DGKB: variants seen among roughly 807,000 people sequenced by gnomAD.
The protein encoded by DGKB is 90 kDa diacylglycerol kinase.
A neutral mutation model predicts 114.3 loss-of-function variants in DGKB; 67 were observed. That is an observed-to-expected ratio of 0.59 (90% CI 0.48 to 0.72). The LOEUF is 0.72. Among genes scored for constraint, DGKB ranks in the 30% least tolerant of loss-of-function variants. The pLI is 0.00. For synonymous variants in DGKB, 398 were observed against 323.1 expected (o/e 1.23, Z -2.49); for missense variants, 907 against 975.2 (o/e 0.93, Z 0.93).
intron 13 of DGKB, among the ~76,000 whole-genome samples, chr7:14,659,697 C>T (rs1001398570): frequency 1.4e-5 from 2 of 147,892 alleles, no homozygotes; most frequent in Non-Finnish European, 3.0e-5. Context: ...ATTTGACTTC[C>T]TCTTTTCCTA....
chr7:14,238,827 TATC>T (rs1325971891), intron 23 of DGKB, among the ~76,000 whole-genome samples: 2 of 152,036 alleles, frequency 1.3e-5, no homozygotes, highest in African/African-American at 2.4e-5. Flanking sequence ...CTTATTGAAA[TATC>T]ATGAATACAA....
At chr7:14,970,966 T>C (rs945976397) in intron 1 of DGKB, among the ~76,000 whole-genome samples, 1 of 152,176 alleles carries the variant, frequency 6.6e-6, no homozygotes, top group Admixed American at 6.5e-5. Context: ...ACCATTTTTT[T>C]GTAAAGCCCT....
chr7:14,219,160 C>T (rs1167718979), intron 23 of DGKB, among the ~76,000 whole-genome samples: 2 of 151,770 alleles, frequency 1.3e-5, no homozygotes, highest in Non-Finnish European at 3.0e-5. Flanking sequence ...TTTTCTTTAT[C>T]CATTCATCCC....
At chr7:14,856,432 CTGTTTATTATTTCTA>C (rs1850160291) in intron 1 of DGKB, among the ~76,000 whole-genome samples, 1 of 152,088 alleles carries the variant, frequency 6.6e-6, no homozygotes, top group Non-Finnish European at 1.5e-5. Context: ...GTTAATACCA[CTGTTTATTATTTCTA>C]TGCTTCTTTT....
intron 8 of DGKB, among the ~76,000 whole-genome samples, chr7:14,697,630 G>A (rs1261746685): frequency 6.9e-6 from 1 of 144,052 alleles, no homozygotes; most frequent in Non-Finnish European, 1.5e-5. Context: ...TGAAATGACA[G>A]GAATATATCA....
At position 14,408,143 on chromosome 7, in the gene DGKB, A is replaced by T. The variant is rs148946758; in HGVS notation, c.1836-62752T>A. On this transcript the variant is annotated intron_variant, in intron 21 of 25. Coordinates refer to ENST00000402815, the MANE Select transcript of DGKB (RefSeq NM_001350709.2). The stretch of plus-strand genomic sequence containing the variant: ...CATGGTGGCTCCTGACAAAGTAGGC[A>T]CATCCCTCTTTCACGGTTTAATGAT... Among the ~76,000 whole-genome samples the T allele has an allele frequency of 4.2e-3, 641 of 152,300 alleles. 3 individuals carry two copies. The highest frequency in any genetic ancestry group is 6.9e-3 in the Non-Finnish European group (472 of 68,008).
At chr7:14,255,791 T>C (rs1042800888) in intron 23 of DGKB, among the ~76,000 whole-genome samples, 1 of 152,118 alleles carries the variant, frequency 6.6e-6, no homozygotes, top group Non-Finnish European at 1.5e-5. Context: ...GTATGGTTAT[T>C]TGCACTTTTT....
chr7:14,850,961 AAAGT>A (rs1434443174), intron 1 of DGKB, among the ~76,000 whole-genome samples: 2 of 152,216 alleles, frequency 1.3e-5, no homozygotes, highest in Non-Finnish European at 2.9e-5. Context: ...TTTCTCATGA[AAAGT>A]AGATAATATC....
At chr7:14,237,167 T>TC (rs1390346008) in intron 23 of DGKB, among the ~76,000 whole-genome samples, 1 of 152,084 alleles carries the variant, frequency 6.6e-6, no homozygotes, top group African/African-American at 2.4e-5. Context: ...GATATGCTAC[T>TC]ACTTTGTTTA....
intron 22 of DGKB, 150 bp from the exon 23 acceptor site, chr7:14,338,860 T>A (rs1811133112): frequency 4.3e-6 from 2 of 463,976 alleles, no homozygotes; most frequent in African/African-American, 2.0e-5. Flanking sequence ...CTTAAACACT[T>A]ACCCTGAGTC....
At chr7:14,916,005 C>A (rs1301805971) in intron 1 of DGKB, among the ~76,000 whole-genome samples, 1 of 151,752 alleles carries the variant, frequency 6.6e-6, no homozygotes, top group Non-Finnish European at 1.5e-5. Context: ...GTATGGAGTG[C>A]TTATAGTTTA....
At chr7:14,632,682 G>C (rs540521902) in intron 13 of DGKB, among the ~76,000 whole-genome samples, 1 of 151,740 alleles carries the variant, frequency 6.6e-6, no homozygotes, top group Non-Finnish European at 1.5e-5. Context: ...TCATAGGAGT[G>C]GGTGGGAGAG....
At chr7:14,154,020 G>A (rs1019710935) in intron 25 of DGKB, among the ~76,000 whole-genome samples, 1 of 151,848 alleles carries the variant, frequency 6.6e-6, no homozygotes, top group African/African-American at 2.4e-5. Flanking sequence ...AAGTAAATGA[G>A]TGAGCTAAGG....
At chr7:14,162,945 C>T (rs1013005284) in intron 25 of DGKB, among the ~76,000 whole-genome samples, 2 of 152,048 alleles carry the variant, frequency 1.3e-5, no homozygotes, top group African/African-American at 4.8e-5. Flanking sequence ...ATTATGGTGT[C>T]ATCATAATTT....
At chr7:14,589,684 G>A (rs1310241837) in intron 17 of DGKB, among the ~76,000 whole-genome samples, 3 of 151,862 alleles carry the variant, frequency 2.0e-5, no homozygotes, top group Non-Finnish European at 4.4e-5. Flanking sequence ...CGGTTAGTGT[G>A]AGAATAAACA....
intron 25 of DGKB, among the ~76,000 whole-genome samples, chr7:14,155,018 C>T (rs1293512339): frequency 6.6e-6 from 1 of 151,954 alleles, no homozygotes; most frequent in Non-Finnish European, 1.5e-5. Flanking sequence ...ACTCCCCGGT[C>T]CCACCCCAGA....
intron 1 of DGKB, among the ~76,000 whole-genome samples, chr7:14,935,918 T>C (rs185323379): frequency 6.6e-6 from 1 of 152,250 alleles, no homozygotes; most frequent in African/African-American, 2.4e-5. Flanking sequence ...ACTTCTCTGG[T>C]GATGCCCACA....
intron 23 of DGKB, among the ~76,000 whole-genome samples, chr7:14,181,123 T>C (rs577608873): frequency 3.4e-4 from 52 of 152,312 alleles, no homozygotes; most frequent in African/African-American, 1.2e-3. Flanking sequence ...TGCCCATCAA[T>C]TAGTCTTCAT....
intron 21 of DGKB, among the ~76,000 whole-genome samples, chr7:14,394,068 C>T (rs1821858275): frequency 6.6e-6 from 1 of 152,066 alleles, no homozygotes; most frequent in South Asian, 2.1e-4. Flanking sequence ...ATTTAATTCA[C>T]AGTGGTATCT....
Sources: gnomAD v4.1 joint callset for allele counts (sites outside exome capture counted in the v4.1 genomes callset) on GRCh38, gnomAD v4.1.1 for gene constraint, MANE v1.5 for transcripts, NCBI Gene and HGNC (gene_info 2026-07-23, HGNC 2026-07-21) for gene names.